The following UBOX5 variants were observed in gnomAD, a reference collection of about 807,000 sequenced individuals.
UBOX5 encodes the protein RING finger protein 37.
UBOX5 carries 28 observed loss-of-function variants against 39.0 expected under a neutral mutation model. The ratio of observed to expected loss-of-function variants is 0.72; its 90% CI spans 0.53 to 0.98. UBOX5 has a LOEUF of 0.98. UBOX5 is among the 50% of genes least tolerant of loss of function. UBOX5 has a pLI of 0.00. For synonymous variants in UBOX5, 283 were observed against 275.5 expected (o/e 1.03, Z -0.27); for missense variants, 585 against 674.4 (o/e 0.87, Z 1.47).
intron 1 of UBOX5, among the ~76,000 whole-genome samples, chr20:3,126,402 C>G (rs1159639869): frequency 6.6e-6 from 1 of 151,786 alleles, no homozygotes; most frequent in East Asian, 1.9e-4. Flanking sequence ...CCTAGGAAAA[C>G]CAAAGACCTT....
intron 1 of UBOX5, chr20:3,147,490 A>G (rs767883997): frequency 6.2e-7 from 1 of 1,614,174 alleles, no homozygotes; most frequent in South Asian, 1.1e-5. Flanking sequence ...TGCCTCTGTA[A>G]TCTGGACACT....
At chr20:3,158,748 A>C (rs2066716213) in intron 1 of UBOX5, among the ~76,000 whole-genome samples, 1 of 152,248 alleles carries the variant, frequency 6.6e-6, no homozygotes, top group Non-Finnish European at 1.5e-5. Context: ...TGCTGGGATT[A>C]CAGGCGTGAG....
rs748436058 is a variant in UBOX5, at chr20:3,123,267, GACAA to G, written c.54+41_54+44del. 3.2e-6 allele frequency: 5 copies of G among 1,572,668 alleles called. No homozygotes were observed. The East Asian group carries it at 1.1e-4, about 35-fold the overall frequency. On this transcript the variant is annotated intron_variant, in intron 2 of 4. Coordinates refer to ENST00000217173, the MANE Select transcript of UBOX5 (RefSeq NM_014948.4). The stretch of plus-strand genomic sequence containing the variant: ...CAAGGCAGGAAATGATGAAACACAT[GACAA>G]ACATAGCATATATTTATGTGTATAT...
At chr20:3,127,721 C>T (rs186770616) in intron 1 of UBOX5, among the ~76,000 whole-genome samples, 214 of 152,234 alleles carry the variant, frequency 1.4e-3, no homozygotes, top group Non-Finnish European at 6.9e-4. Context: ...CATTTATACA[C>T]GAGAATAAAT....
At chr20:3,120,825 G>T (rs376896637) in intron 3 of UBOX5, among the ~76,000 whole-genome samples, 1 of 152,186 alleles carries the variant, frequency 6.6e-6, no homozygotes. Context: ...AAGGCCCACA[G>T]ACCTAGTCCT....
At position 3,122,317 on chromosome 20, in the gene UBOX5, A is replaced by G; in HGVS notation, c.322T>C (p.Ser108Pro). ...GTGAACGCCTCCTTGTCTGGGACAG[A>G]TGGCTCAGCTGGGCCCAGGGTCCGG... ...QCRTLGPAEP[S>P]VPDKEAFTLV... Residue 108 changes from serine (S) to proline (P), a missense_variant, in exon 3 of 5, where the codon TCT becomes CCT. Ser to Pro is a moderately conservative substitution (Grantham distance 74). Coordinates refer to ENST00000217173, the MANE Select transcript of UBOX5 (RefSeq NM_014948.4). The G allele has an allele frequency of 6.2e-7, 1 of 1,614,180 alleles. No homozygotes were observed. Among genetic ancestry groups the G allele is most frequent in the Non-Finnish European group, 8.5e-7 (1 of 1,180,022 alleles).
At chr20:3,158,895 T>C (rs990221634) in intron 1 of UBOX5, among the ~76,000 whole-genome samples, 7 of 152,204 alleles carry the variant, frequency 4.6e-5, no homozygotes, top group Non-Finnish European at 1.0e-4. Flanking sequence ...ATTCACAAAG[T>C]GTAGAAAACG....
At chr20:3,141,563 T>C (rs933928231) in intron 1 of UBOX5, among the ~76,000 whole-genome samples, 2 of 152,112 alleles carry the variant, frequency 1.3e-5, no homozygotes, top group African/African-American at 4.8e-5. Context: ...GGAGAATCAC[T>C]TGAACCCGGG....
chr20:3,146,089 C>A (rs2066559391), intron 1 of UBOX5, among the ~76,000 whole-genome samples: 1 of 151,358 alleles, frequency 6.6e-6, no homozygotes, highest in South Asian at 2.1e-4. Flanking sequence ...CACCTGTAAT[C>A]CCAGCATTTG....
chr20:3,147,745 A>G (rs759955130), intron 1 of UBOX5: 24 of 1,614,240 alleles, frequency 1.5e-5, no homozygotes, highest in Admixed American at 1.2e-4. Context: ...TGGGTGGCTT[A>G]TAATTCAGAG....
intron 1 of UBOX5, among the ~76,000 whole-genome samples, chr20:3,152,513 A>G (rs1482567601): frequency 6.6e-6 from 1 of 152,068 alleles, no homozygotes; most frequent in Non-Finnish European, 1.5e-5. Context: ...AAAAAAAAGA[A>G]GAGGAAGACC....
chr20:3,146,233 C>T (rs560076528), intron 1 of UBOX5, among the ~76,000 whole-genome samples: 3 of 151,584 alleles, frequency 2.0e-5, no homozygotes, highest in African/African-American at 7.3e-5. Flanking sequence ...CTCAGCTACT[C>T]GGGAGGATGA....
At chr20:3,130,046 A>G (rs1235287615) in intron 1 of UBOX5, among the ~76,000 whole-genome samples, 1 of 152,146 alleles carries the variant, frequency 6.6e-6, no homozygotes, top group East Asian at 1.9e-4. Context: ...CCTGGGCAAC[A>G]AAGTGAGATG....
Position 3,110,547 on chromosome 20 carries a change from G to A in UBOX5, c.1418-233C>T, listed in dbSNP as rs77273711. 2.4e-3 allele frequency: 1,311 copies of A among 554,518 alleles called. 7 individuals are homozygous for A. Among genetic ancestry groups the A allele is most frequent in the African/African-American group, 0.023 (1,199 of 53,086 alleles). The allele number at this position is 554,518 out of a possible 1,614,324, so 34.3% of individuals were successfully genotyped here. ...AATCTCAGTGCCTCTACGAATGCTT[G>A]AGAAGAGCTGGCTTCTGAGGGCAGC... is the stretch of plus-strand genomic sequence containing the variant. On this transcript the variant is annotated intron_variant, in intron 4 of 4. Coordinates refer to ENST00000217173, the MANE Select transcript of UBOX5 (RefSeq NM_014948.4).
intron 1 of UBOX5, among the ~76,000 whole-genome samples, chr20:3,152,325 C>T (rs112812306): frequency 1.3e-5 from 2 of 150,990 alleles, no homozygotes; most frequent in African/African-American, 4.9e-5. Flanking sequence ...ACTAAAAATA[C>T]AAAAAATTAG....
intron 1 of UBOX5, among the ~76,000 whole-genome samples, chr20:3,135,788 A>G (rs2066466635): frequency 8.9e-5 from 1 of 11,272 alleles, no homozygotes; most frequent in African/African-American, 3.8e-3. Context: ...GTTGTAGTTA[A>G]AAAAAAAAAA....
At chr20:3,125,000 C>CCT (rs2066369348) in intron 1 of UBOX5, among the ~76,000 whole-genome samples, 1 of 150,236 alleles carries the variant, frequency 6.7e-6, no homozygotes, top group African/African-American at 2.5e-5. Flanking sequence ...CCCGGCCGCC[C>CCT]CGTCTGAGAA....
chr20:3,146,614 T>C lies in UBOX5; in HGVS notation c.-42+13152A>G. On this transcript the variant is annotated intron_variant, in intron 1 of 4. Coordinates refer to ENST00000217173, the MANE Select transcript of UBOX5 (RefSeq NM_014948.4). ...TTGTACAATCCAACTACATTACAATTCACAGTAACATACACTAGCTCTAAC... is the reference window on the plus strand; with the variant it reads ...TTGTACAATCCAACTACATTACAATCCACAGTAACATACACTAGCTCTAAC... 4.0e-6 allele frequency: 3 copies of C among 741,446 alleles called. No individual in the cohort carries two copies. In the South Asian group the frequency reaches 5.6e-5, roughly 14 times the overall value. The allele number at this position is 741,446 out of a possible 1,614,324, so 45.9% of individuals were successfully genotyped here. A position where few individuals can be genotyped will look rare whatever the true frequency, so the allele number is the denominator to read the frequency against.
Position 3,147,738 on chromosome 20 carries a change from G to A in UBOX5, c.-42+12028C>T, listed in dbSNP as rs779103779. On this transcript the variant is annotated intron_variant, in intron 1 of 4. Coordinates refer to ENST00000217173, the MANE Select transcript of UBOX5 (RefSeq NM_014948.4). ...CTGGAGTAAAATTCTTCTGCATTGGGTGGCTTATAATTCAGAGTTCCAAAT... is the reference window on the plus strand; with the variant it reads ...CTGGAGTAAAATTCTTCTGCATTGGATGGCTTATAATTCAGAGTTCCAAAT... The A allele has an allele frequency of 4.3e-5, 70 of 1,614,092 alleles. No homozygotes were observed. Among genetic ancestry groups the A allele is most frequent in the Non-Finnish European group, 5.3e-5 (62 of 1,180,050 alleles).
Sources: allele counts gnomAD v4.1 joint callset (sites outside exome capture counted in the v4.1 genomes callset), GRCh38; gene constraint gnomAD v4.1.1; transcripts MANE v1.5; gene names NCBI Gene and HGNC (gene_info 2026-07-23, HGNC 2026-07-21).